Variants in FBXW4 observed in about 807,000 individuals in gnomAD.
The protein encoded by FBXW4 is F-box/WD repeat-containing protein 4.
FBXW4 carries 40 observed loss-of-function variants against 61.8 expected under a neutral mutation model. The ratio of observed to expected loss-of-function variants is 0.65; its 90% CI spans 0.50 to 0.84. FBXW4 has a LOEUF of 0.84. Ranked by LOEUF, FBXW4 falls within the 40% of genes least tolerant of loss-of-function variation. The pLI is 0.00. For missense variants in FBXW4, 672 were observed against 753.8 expected, an observed-to-expected ratio of 0.89 and a Z score of 1.27; for synonymous variants, 311 against 313.8, an observed-to-expected ratio of 0.99 and a Z score of 0.10.
At chr10:101,634,351 C>G (rs2063983491) in intron 5 of FBXW4, among the ~76,000 whole-genome samples, 1 of 149,326 alleles carries the variant, frequency 6.7e-6, no homozygotes, top group South Asian at 2.1e-4. Flanking sequence ...ATAAAACTGT[C>G]AGTTCTCCCC....
Position 101,694,311 on chromosome 10 carries a change from G to T in FBXW4, c.725+70C>A. The stretch of plus-strand genomic sequence containing the variant: ...CACGACCCTGGGCCGACCAGGCCGC[G>T]GCGCCCCGCCCTTTCCCGGGACGCG... On this transcript the variant is annotated intron_variant, in intron 1 of 8. Coordinates refer to ENST00000331272, the MANE Select transcript of FBXW4 (RefSeq NM_022039.4). This position sits in a 1 kb window ranked among gnomAD's most constrained non-coding sequence, Gnocchi z 6.0. 7.6e-7 allele frequency: 1 copy of T among 1,313,056 alleles called. No individual in the cohort carries two copies. The highest frequency in any genetic ancestry group is 2.0e-5 in the South Asian group (1 of 50,080). The allele number at this position is 1,313,056 out of a possible 1,614,324, so 81.3% of individuals were successfully genotyped here.
intron 1 of FBXW4, among the ~76,000 whole-genome samples, chr10:101,680,870 C>T (rs1014861402): frequency 6.6e-6 from 1 of 152,134 alleles, no homozygotes; most frequent in South Asian, 2.1e-4. Flanking sequence ...ATATTTATAG[C>T]TGCAGCTATA....
chr10:101,638,849 C>T (rs1463629883), intron 5 of FBXW4, among the ~76,000 whole-genome samples: 3 of 152,168 alleles, frequency 2.0e-5, no homozygotes, highest in Non-Finnish European at 4.4e-5. Flanking sequence ...TATGAGAATT[C>T]CAGTTTTCCG....
chr10:101,657,629 G>A (rs2064199666), intron 5 of FBXW4, among the ~76,000 whole-genome samples: 1 of 97,800 alleles, frequency 1.0e-5, no homozygotes, highest in Non-Finnish European at 1.8e-5. Context: ...AACACAGCGA[G>A]ACTCTGTCTC....
intron 5 of FBXW4, among the ~76,000 whole-genome samples, chr10:101,666,478 T>C (rs1479289462): frequency 6.6e-6 from 1 of 151,986 alleles, no homozygotes; most frequent in Non-Finnish European, 1.5e-5. Context: ...GCAGGCTCCA[T>C]GGGGTGAGGA....
chr10:101,667,797 C>A, intron 5 of FBXW4, 89 bp downstream of exon 5: 1 of 1,200,658 alleles, frequency 8.3e-7, no homozygotes, highest in South Asian at 1.3e-5. Flanking sequence ...CTAGAATACA[C>A]AACAGGAAGA....
At chr10:101,614,056 C>G (rs2063808681) in intron 6 of FBXW4, among the ~76,000 whole-genome samples, 1 of 152,234 alleles carries the variant, frequency 6.6e-6, no homozygotes, top group South Asian at 2.1e-4. Context: ...AGCCAAGATT[C>G]AGCCACCCTG....
chr10:101,667,381 C>A (rs1372790605), intron 5 of FBXW4, among the ~76,000 whole-genome samples: 1 of 152,196 alleles, frequency 6.6e-6, no homozygotes, highest in Non-Finnish European at 1.5e-5. Context: ...TACTACTTCA[C>A]ATACATGTCT....
At chr10:101,666,047 A>C (rs1426374161) in intron 5 of FBXW4, among the ~76,000 whole-genome samples, 1 of 152,168 alleles carries the variant, frequency 6.6e-6, no homozygotes, top group African/African-American at 2.4e-5. Context: ...CTTTCCTTCT[A>C]TTCAGCCCAC....
chr10:101,638,803 G>A (rs1382103350), intron 5 of FBXW4, among the ~76,000 whole-genome samples: 1 of 152,134 alleles, frequency 6.6e-6, no homozygotes, highest in Non-Finnish European at 1.5e-5. Context: ...TTACCTCGAT[G>A]GCTTTCTGAG....
At chr10:101,628,317 T>G (rs2063923544) in intron 5 of FBXW4, among the ~76,000 whole-genome samples, 1 of 152,250 alleles carries the variant, frequency 6.6e-6, no homozygotes, top group Admixed American at 6.5e-5. Flanking sequence ...AAATCTGTGC[T>G]GAACAGACAG....
At chr10:101,624,063 A>G (rs1458227927) in intron 6 of FBXW4, among the ~76,000 whole-genome samples, 2 of 150,878 alleles carry the variant, frequency 1.3e-5, no homozygotes, top group African/African-American at 2.4e-5. Flanking sequence ...TACAATTGCA[A>G]AGGACTAGAC....
chr10:101,660,328 G>T, intron 5 of FBXW4: 2 of 700,206 alleles, frequency 2.9e-6, no homozygotes, highest in Non-Finnish European at 3.5e-6. Context: ...AAGTTGGGTT[G>T]GGAGGGGGGG....
At chr10:101,679,252 T>C (rs2064447788) in intron 1 of FBXW4, among the ~76,000 whole-genome samples, 1 of 152,260 alleles carries the variant, frequency 6.6e-6, no homozygotes, top group Non-Finnish European at 1.5e-5. Context: ...TAAATCTCTC[T>C]GGATCATTAT....
intron 2 of FBXW4, 31 bp downstream of exon 2, chr10:101,676,310 G>A: frequency 1.3e-6 from 2 of 1,586,256 alleles, no homozygotes; most frequent in Non-Finnish European, 8.6e-7. Flanking sequence ...TATGTCCCAA[G>A]TAGCTTTTAA....
At chr10:101,674,758 T>C (rs2064391967) in intron 2 of FBXW4, among the ~76,000 whole-genome samples, 2 of 152,080 alleles carry the variant, frequency 1.3e-5, no homozygotes, top group African/African-American at 2.4e-5. Flanking sequence ...AATAGTTAGA[T>C]TCCCTCTGCA....
intron 5 of FBXW4, among the ~76,000 whole-genome samples, chr10:101,661,127 TG>T (rs2064239348): frequency 6.6e-6 from 1 of 152,216 alleles, no homozygotes; most frequent in African/African-American, 2.4e-5. Context: ...ACATCAACTC[TG>T]TATCCACAGT....
rs762971344 is a variant in FBXW4, at chr10:101,673,508, C to T, written c.987G>A (p.Ser329=). 17 of 1,613,764 alleles carry T rather than the reference C, an allele frequency of 1.1e-5. No homozygotes were observed. Among genetic ancestry groups the T allele is most frequent in the East Asian group, 2.2e-5 (1 of 44,886 alleles). Residue 329 remains serine (S), a synonymous_variant, in exon 3 of 9, where the codon TCG becomes TCA. Coordinates refer to ENST00000331272, the MANE Select transcript of FBXW4 (RefSeq NM_022039.4). Reference sequence around the variant, plus strand: ...CTTACCCTCCTGCACTAACAATATGCGAGTTGGCCAGCACAAAGTGGCAAA... The same window carrying T: ...CTTACCCTCCTGCACTAACAATATGTGAGTTGGCCAGCACAAAGTGGCAAA... ...EDVCHFVLAN[S]HIVSAGGDGK...
At chr10:101,647,280 G>A (rs965892730) in intron 5 of FBXW4, among the ~76,000 whole-genome samples, 2 of 152,212 alleles carry the variant, frequency 1.3e-5, no homozygotes, top group Non-Finnish European at 2.9e-5. Context: ...GCCCCCATCA[G>A]CTCTTTTCCA....
Sources: allele counts gnomAD v4.1 joint callset (sites outside exome capture counted in the v4.1 genomes callset), GRCh38; gene constraint gnomAD v4.1.1; non-coding constraint Gnocchi (gnomAD v3.1); transcripts MANE v1.5; gene names NCBI Gene and HGNC (gene_info 2026-07-23, HGNC 2026-07-21).